NRP2: variants seen among roughly 807,000 people sequenced by gnomAD.
NRP2 encodes the protein neuropilin-2.
Under a neutral mutation model 110.4 loss-of-function variants are expected in NRP2, and 52 were observed. The observed-to-expected ratio is 0.47, with a 90% CI of 0.38 to 0.59. The LOEUF is 0.59. Ranked by LOEUF, NRP2 falls within the 20% of genes least tolerant of loss-of-function variation. The pLI is 0.00. For synonymous variants in NRP2, 508 were observed against 468.9 expected (o/e 1.08, Z -1.08); for missense variants, 1,049 against 1,203.0 (o/e 0.87, Z 1.89).
chr2:205,749,671 G>A, intron 10 of NRP2, 54 bp from the exon 11 acceptor site: 1 of 1,388,018 alleles, frequency 7.2e-7, no homozygotes, highest in Non-Finnish European at 1.0e-6. Context: ...CCTCCTGCTG[G>A]GTTGCAACAC....
At chr2:205,766,130 G>T (rs1321994875) in intron 14 of NRP2, among the ~76,000 whole-genome samples, 1 of 152,184 alleles carries the variant, frequency 6.6e-6, no homozygotes, top group East Asian at 1.9e-4. Flanking sequence ...AACATTGCAG[G>T]CCAGGTGACT....
intron 5 of NRP2, among the ~76,000 whole-genome samples, chr2:205,724,544 C>T (rs1237613446): frequency 6.6e-6 from 1 of 152,032 alleles, no homozygotes; most frequent in Non-Finnish European, 1.5e-5. Context: ...CTGATCACAG[C>T]TGCTGTGGGA....
chr2:205,774,156 G>T lies in NRP2; in HGVS notation c.2425+7353G>T, dbSNP rs1040630770. On this transcript the variant is annotated intron_variant, in intron 15 of 16. Transcript: ENST00000357785. The stretch of plus-strand genomic sequence containing the variant: ...AAATCCAGCAGCAGGATGGTTGCCA[G>T]GCAGCAGATCCTCTTGGTGACCTGA... 1.3e-5 allele frequency among the ~76,000 whole-genome samples: 2 copies of T among 152,182 alleles called. 1 individual carries two copies. Among genetic ancestry groups the T allele is most frequent in the African/African-American group, 4.8e-5 (2 of 41,442 alleles).
intron 7 of NRP2, among the ~76,000 whole-genome samples, chr2:205,733,887 C>T (rs2057290183): frequency 6.6e-6 from 1 of 151,978 alleles, no homozygotes; most frequent in Non-Finnish European, 1.5e-5. Context: ...ATGCTGTGTT[C>T]CAGGCCTCAG....
In NRP2 at chr2:205,723,892, G is replaced by T. The variant is rs1351766851; in HGVS notation, c.772G>T (p.Asp258Tyr). The change falls in exon 5 of 17, where the codon GAT becomes TAT. Residue 258 changes from aspartate to tyrosine, a missense_variant. By Grantham distance (160) the Asp-to-Tyr change is radical. Transcript: ENST00000357785. ...TCACACGGACATGGCGGTGGCCAAGGATGGCTTCTCTGCGCGTTACTACCT... is the reference window on the plus strand; with the variant it reads ...TCACACGGACATGGCGGTGGCCAAGTATGGCTTCTCTGCGCGTTACTACCT... ...TFHTDMAVAK[D>Y]GFSARYYLVH... The T allele has an allele frequency of 1.9e-6, 3 of 1,614,210 alleles. No individual in the cohort carries two copies. The highest frequency in any genetic ancestry group is 1.1e-5 in the South Asian group (1 of 91,086).
intron 15 of NRP2, chr2:205,776,847 C>T (rs1174141995): frequency 3.2e-6 from 4 of 1,268,360 alleles, no homozygotes; most frequent in East Asian, 4.1e-5. Context: ...GACTGGTTCG[C>T]TTGTTTTTTC....
At chr2:205,745,638 C>G in intron 9 of NRP2, 108 bp from the exon 10 acceptor site, 1 of 1,325,082 alleles carries the variant, frequency 7.5e-7, no homozygotes, top group East Asian at 2.4e-5. Context: ...AGGAAGCTGC[C>G]TTCCTAGCAG....
chr2:205,767,284 G>A (rs746783346), intron 15 of NRP2: 1 of 399,104 alleles, frequency 2.5e-6, no homozygotes, highest in Non-Finnish European at 5.0e-6. Context: ...GGGCTTCTGT[G>A]TACAGCCTGC....
intron 15 of NRP2, among the ~76,000 whole-genome samples, chr2:205,784,212 C>T (rs2058210756): frequency 6.6e-6 from 1 of 152,234 alleles, no homozygotes; most frequent in South Asian, 2.1e-4. Context: ...GACTTCCCTG[C>T]AACTTATTAA....
chr2:205,787,694 G>A (rs2058249398), intron 15 of NRP2, among the ~76,000 whole-genome samples: 1 of 139,768 alleles, frequency 7.2e-6, no homozygotes, highest in Non-Finnish European at 1.5e-5. Context: ...AAATGAGGGA[G>A]AGAGGAAAGA....
At chr2:205,791,396 T>A (rs2058299752) in intron 15 of NRP2, among the ~76,000 whole-genome samples, 1 of 152,250 alleles carries the variant, frequency 6.6e-6, no homozygotes, top group Non-Finnish European at 1.5e-5. Context: ...GATGTTGCTC[T>A]TTGCCATGCA....
intron 6 of NRP2, among the ~76,000 whole-genome samples, chr2:205,726,721 G>A (rs1022022630): frequency 2.0e-5 from 3 of 152,150 alleles, no homozygotes; most frequent in African/African-American, 7.2e-5. Flanking sequence ...AGTAAACAGG[G>A]GGAAAGCAAG....
intron 16 of NRP2, among the ~76,000 whole-genome samples, chr2:205,793,728 T>A (rs932894360): frequency 2.0e-5 from 3 of 152,150 alleles, no homozygotes; most frequent in Admixed American, 2.0e-4. Flanking sequence ...CGGATAAAGG[T>A]CCACCCTCAT....
intron 12 of NRP2, among the ~76,000 whole-genome samples, chr2:205,755,881 C>T (rs1049623233): frequency 6.6e-5 from 10 of 152,064 alleles, no homozygotes; most frequent in African/African-American, 1.4e-4. Flanking sequence ...GTGTGAGGGG[C>T]GTCAGGGTGA....
chr2:205,793,830 GA>G (rs377475273), intron 16 of NRP2, among the ~76,000 whole-genome samples: 1 of 152,180 alleles, frequency 6.6e-6, no homozygotes, highest in African/African-American at 2.4e-5. Flanking sequence ...AAGTGTCTGG[GA>G]GGGGGATACA....
At chr2:205,776,407 G>T in intron 15 of NRP2, 2 of 1,613,494 alleles carry the variant, frequency 1.2e-6, no homozygotes, top group South Asian at 1.1e-5. Context: ...CCGCTATGCG[G>T]CCAAGAAGAC....
In NRP2 at chr2:205,795,245, T is replaced by G. The variant is rs2058341978; in HGVS notation, c.*187T>G. The G allele has an allele frequency of 2.4e-5, 16 of 679,254 alleles. No individual in the cohort carries two copies. In the South Asian group the frequency reaches 2.7e-4, roughly 12 times the overall value. 42.1% of individuals were successfully genotyped at this position (679,254 alleles called of 1,614,324 possible). On this transcript the variant is annotated 3_prime_UTR_variant, in exon 17 of 17. Transcript: ENST00000357785. ...GGAGATGCAGCCGCACAGGGGATGA[T>G]TACCCTCCTAGGACCGCGGTGGCTA...
At chr2:205,699,573 G>A (rs760321197) in intron 2 of NRP2, among the ~76,000 whole-genome samples, 45 of 152,160 alleles carry the variant, frequency 3.0e-4, no homozygotes, top group Non-Finnish European at 1.8e-4. Flanking sequence ...TGGGAAGGAC[G>A]AAAGGCCAGA....
intron 9 of NRP2, among the ~76,000 whole-genome samples, chr2:205,744,584 T>TC (rs1373587392): frequency 1.3e-5 from 2 of 152,126 alleles, no homozygotes; most frequent in Admixed American, 1.3e-4. Flanking sequence ...CCTCTGTCCC[T>TC]CCCCAGATCA....
Sources: gnomAD v4.1 joint callset for allele counts (sites outside exome capture counted in the v4.1 genomes callset) on GRCh38, gnomAD v4.1.1 for gene constraint, MANE v1.5 for transcripts, NCBI Gene and HGNC (gene_info 2026-07-23, HGNC 2026-07-21) for gene names.